MYT1L: variants seen among roughly 807,000 people sequenced by gnomAD.
The protein encoded by MYT1L is myelin transcription factor 1 like, also known as myelin transcription factor 1-like protein.
Under a neutral mutation model 126.7 loss-of-function variants are expected in MYT1L, and 12 were observed. The observed-to-expected ratio is 0.09, with a 90% CI of 0.06 to 0.15. MYT1L has a LOEUF of 0.15. Ranked by LOEUF, MYT1L falls within the 10% of genes least tolerant of loss-of-function variation. The pLI is 1.00. For missense variants in MYT1L, 979 were observed against 1,585.2 expected, an observed-to-expected ratio of 0.62 and a Z score of 6.49; for synonymous variants, 541 against 604.2, an observed-to-expected ratio of 0.90 and a Z score of 1.53.
At chr2:1,931,775 C>T (rs2055026007) in intron 9 of MYT1L, among the ~76,000 whole-genome samples, 1 of 152,140 alleles carries the variant, frequency 6.6e-6, no homozygotes, top group South Asian at 2.1e-4. Context: ...AAGTTTGTTT[C>T]CCTGTGCCTT....
chr2:1,793,769 G>A lies in MYT1L; in HGVS notation c.3277-1305C>T, dbSNP rs533714355. ...ATCACACAGATTTATTTCCATGCAC[G>A]TCCTGGGTGACCTTCTCATTCGTGT... On this transcript the variant is annotated intron_variant, in intron 23 of 24. Transcript: ENST00000647738. The surrounding 1 kb of genome is among the most constrained non-coding windows in gnomAD (Gnocchi z 4.6). Among the ~76,000 whole-genome samples, 2 of 152,266 alleles carry A rather than the reference G, an allele frequency of 1.3e-5. No homozygotes were observed. The highest frequency in any genetic ancestry group is 2.4e-5 in the African/African-American group (1 of 41,562).
chr2:2,196,677 C>T (rs889082640), intron 2 of MYT1L, among the ~76,000 whole-genome samples: 6 of 151,744 alleles, frequency 4.0e-5, no homozygotes, highest in Non-Finnish European at 8.8e-5. Context: ...AATGGTAAAA[C>T]TACCCTTGAT....
At position 2,109,424 on chromosome 2, in the gene MYT1L, G is replaced by A. The variant is rs542985522; in HGVS notation, c.-303-55301C>T. 3.9e-5 allele frequency among the ~76,000 whole-genome samples: 6 copies of A among 152,214 alleles called. No individual in the cohort carries two copies. In the South Asian group the frequency reaches 1.2e-3, roughly 32 times the overall value. On this transcript the variant is annotated intron_variant, in intron 3 of 24. Transcript: ENST00000647738. ...GGAGCCGGATGGGCGCCAGAGGTAG[G>A]AGGTGAATTGAGATGAACCAGGAAA...
At chr2:2,326,807 A>G (rs1488026531) in intron 1 of MYT1L, 1 of 152,254 alleles carries the variant, frequency 6.6e-6, no homozygotes, top group Non-Finnish European at 1.5e-5. Flanking sequence ...AGCCAAAAAC[A>G]CTTCCATTGT....
chr2:2,090,712 C>T (rs1343664467), intron 3 of MYT1L, among the ~76,000 whole-genome samples: 1 of 152,226 alleles, frequency 6.6e-6, no homozygotes, highest in Non-Finnish European at 1.5e-5. Flanking sequence ...TTTGATAGGA[C>T]TTTAACCACC....
intron 8 of MYT1L, among the ~76,000 whole-genome samples, chr2:1,976,101 C>G (rs183772244): frequency 1.1e-4 from 12 of 107,166 alleles, no homozygotes; most frequent in Middle Eastern, 5.2e-3. Context: ...TCATTGGAAA[C>G]ATTTATTGTT....
At chr2:1,837,146 C>CAGAGGCTGTCCT (rs1312658029) in intron 21 of MYT1L, among the ~76,000 whole-genome samples, 3 of 152,106 alleles carry the variant, frequency 2.0e-5, no homozygotes, top group Non-Finnish European at 4.4e-5. Flanking sequence ...GTCCTCTGAC[C>CAGAGGCTGTCCT]CTAACATACA....
At chr2:2,265,707 T>C (rs758874282) in intron 2 of MYT1L, among the ~76,000 whole-genome samples, 63 of 152,204 alleles carry the variant, frequency 4.1e-4, no homozygotes, top group Non-Finnish European at 6.2e-4. Flanking sequence ...CTATAAAATA[T>C]GGATATTTTA....
At chr2:2,130,292 T>C (rs2082209204) in intron 3 of MYT1L, among the ~76,000 whole-genome samples, 1 of 150,854 alleles carries the variant, frequency 6.6e-6, no homozygotes, top group South Asian at 2.1e-4. Context: ...CCGAGAACAC[T>C]GGCCAAAACT....
chr2:1,872,315 G>A (rs551677401), intron 18 of MYT1L, among the ~76,000 whole-genome samples: 58 of 152,314 alleles, frequency 3.8e-4, no homozygotes, highest in African/African-American at 1.3e-3. Flanking sequence ...AGGTAGAACT[G>A]AAGCCAGAAT....
intron 3 of MYT1L, among the ~76,000 whole-genome samples, chr2:2,100,561 C>T (rs773715794): frequency 3.3e-5 from 5 of 152,122 alleles, no homozygotes; most frequent in Non-Finnish European, 5.9e-5. Flanking sequence ...CACTGAGGTG[C>T]CCATTGTCCA....
At chr2:1,871,722 G>A (rs1216758607) in intron 18 of MYT1L, among the ~76,000 whole-genome samples, 1 of 152,104 alleles carries the variant, frequency 6.6e-6, no homozygotes, top group East Asian at 1.9e-4. Flanking sequence ...GGCACAATAA[G>A]AATGGCTTAA....
At chr2:2,176,239 A>G (rs2148583433) in intron 2 of MYT1L, among the ~76,000 whole-genome samples, 1 of 152,100 alleles carries the variant, frequency 6.6e-6, no homozygotes, top group South Asian at 2.1e-4. Context: ...ATAAATAGGG[A>G]CATCTTAATA....
chr2:2,261,555 A>G (rs1572929943), intron 2 of MYT1L, among the ~76,000 whole-genome samples: 1 of 152,202 alleles, frequency 6.6e-6, no homozygotes, highest in Admixed American at 6.5e-5. Context: ...ATCAATAGGG[A>G]GTTGGCAGGT....
At chr2:1,823,440 G>T (rs561786937) in intron 21 of MYT1L, among the ~76,000 whole-genome samples, 2 of 152,220 alleles carry the variant, frequency 1.3e-5, no homozygotes, top group African/African-American at 4.8e-5. Flanking sequence ...CGGCTCCGGG[G>T]TCCTGGAGGA....
chr2:2,137,799 A>T (rs1238380232), intron 3 of MYT1L, among the ~76,000 whole-genome samples: 2 of 151,910 alleles, frequency 1.3e-5, no homozygotes, highest in Admixed American at 1.3e-4. Flanking sequence ...CATGTCTGAA[A>T]CACCAAAAGC....
At chr2:1,915,924 C>G (rs4557005) in intron 11 of MYT1L, among the ~76,000 whole-genome samples, 24,291 of 152,054 alleles carry the variant, frequency 0.16, 2,088 homozygotes, top group East Asian at 0.32. Context: ...GTGTCGATTG[C>G]GGGTTCAGTG....
chr2:2,053,749 A>G (rs139731017), intron 4 of MYT1L, among the ~76,000 whole-genome samples: 1,974 of 152,290 alleles, frequency 0.013, 21 homozygotes, highest in South Asian at 0.036. Context: ...TTATAACTAG[A>G]TAACAGAAGG....
At chr2:2,005,098 G>GC (rs2063079417) in intron 4 of MYT1L, among the ~76,000 whole-genome samples, 1 of 149,326 alleles carries the variant, frequency 6.7e-6, no homozygotes, top group African/African-American at 2.5e-5. Flanking sequence ...GTTCTTTCCT[G>GC]AATATGTTCT....
Sources: allele counts gnomAD v4.1 joint callset (sites outside exome capture counted in the v4.1 genomes callset), GRCh38; gene constraint gnomAD v4.1.1; non-coding constraint Gnocchi (gnomAD v3.1); transcripts MANE v1.5; gene names NCBI Gene and HGNC (gene_info 2026-07-23, HGNC 2026-07-21).